Variants in FAM13A observed in about 807,000 individuals in gnomAD.
The protein encoded by FAM13A is family with sequence similarity 13 member A, also known as protein FAM13A.
FAM13A carries 76 observed loss-of-function variants against 129.6 expected under a neutral mutation model. The observed-to-expected ratio is 0.59, with a 90% CI of 0.49 to 0.71. The LOEUF is 0.71. Among genes scored for constraint, FAM13A ranks in the 30% least tolerant of loss-of-function variants. FAM13A has a pLI of 0.00. For synonymous variants in FAM13A, 443 were observed against 449.9 expected (o/e 0.98, Z 0.20); for missense variants, 1,108 against 1,249.3 (o/e 0.89, Z 1.70).
At chr4:88,758,923 C>T (rs1744252131) in intron 13 of FAM13A, 22 bp from the exon 14 acceptor site, 1 of 1,608,612 alleles carries the variant, frequency 6.2e-7, no homozygotes, top group African/African-American at 1.3e-5. Flanking sequence ...GCACAATGTC[C>T]CCAAATATCT....
intron 6 of FAM13A, 93 bp downstream of exon 6, chr4:88,906,285 CT>C: frequency 1.1e-6 from 1 of 915,804 alleles, no homozygotes; most frequent in Admixed American, 2.1e-5. Flanking sequence ...AAGACTCTGT[CT>C]CAAAACAAAC....
chr4:88,890,793 A>C (rs1007574577), intron 6 of FAM13A, among the ~76,000 whole-genome samples: 1 of 152,192 alleles, frequency 6.6e-6, no homozygotes, highest in African/African-American at 2.4e-5. Context: ...AGGTCTCAAA[A>C]GAGAATACTA....
intron 1 of FAM13A, among the ~76,000 whole-genome samples, chr4:89,037,748 G>A (rs1012774268): frequency 2.6e-4 from 40 of 152,266 alleles, no homozygotes; most frequent in Non-Finnish European, 4.1e-4. Flanking sequence ...AGACTGGGGG[G>A]TGGATGGTAA....
intron 5 of FAM13A, among the ~76,000 whole-genome samples, chr4:88,919,860 C>T (rs1750727243): frequency 6.6e-6 from 1 of 152,246 alleles, no homozygotes; most frequent in Non-Finnish European, 1.5e-5. Flanking sequence ...CTGCGCTTTT[C>T]CGACGGGCTT....
At chr4:88,920,694 G>T (rs904423103) in intron 5 of FAM13A, among the ~76,000 whole-genome samples, 1 of 152,214 alleles carries the variant, frequency 6.6e-6, no homozygotes, top group African/African-American at 2.4e-5. Context: ...GAACAAAGCT[G>T]GACGGAGAAC....
chr4:89,040,599 G>A (rs1281650466), intron 1 of FAM13A, among the ~76,000 whole-genome samples: 2 of 152,196 alleles, frequency 1.3e-5, no homozygotes, highest in African/African-American at 4.8e-5. Flanking sequence ...TAGGGAACTT[G>A]AGTTTGAATC....
chr4:88,968,455 C>T (rs1430280158), intron 4 of FAM13A, among the ~76,000 whole-genome samples: 2 of 152,070 alleles, frequency 1.3e-5, no homozygotes, highest in Non-Finnish European at 2.9e-5. Context: ...ATTCTTTCTT[C>T]GCTATGACCG....
At chr4:88,827,728 G>T in intron 7 of FAM13A, among the ~76,000 whole-genome samples, 1 of 151,994 alleles carries the variant, frequency 6.6e-6, no homozygotes, top group South Asian at 2.1e-4. Flanking sequence ...ATCTGCCTAG[G>T]TTATCTGTAC....
chr4:88,801,222 G>A (rs1453551870), intron 8 of FAM13A, among the ~76,000 whole-genome samples: 1 of 152,122 alleles, frequency 6.6e-6, no homozygotes, highest in African/African-American at 2.4e-5. Flanking sequence ...TTTGAATTTA[G>A]CCAAAGTCAT....
At chr4:89,023,293 T>C (rs1767517538) in intron 2 of FAM13A, among the ~76,000 whole-genome samples, 1 of 152,178 alleles carries the variant, frequency 6.6e-6, no homozygotes, top group Admixed American at 6.6e-5. Flanking sequence ...ACAAAGGCAT[T>C]CCGTCCCTGG....
chr4:88,761,825 G>C (rs1358453237), intron 13 of FAM13A, among the ~76,000 whole-genome samples: 4 of 151,824 alleles, frequency 2.6e-5, no homozygotes, highest in African/African-American at 9.7e-5. Flanking sequence ...TAATTCAAAA[G>C]AAATGATTTT....
intron 6 of FAM13A, among the ~76,000 whole-genome samples, chr4:88,855,019 A>G (rs543023739): frequency 6.6e-6 from 1 of 152,306 alleles, no homozygotes; most frequent in Non-Finnish European, 1.5e-5. Context: ...TATCATTTGA[A>G]AGATGAGGAA....
At chr4:88,758,712 G>T in intron 14 of FAM13A, 42 bp downstream of exon 14, 1 of 1,582,016 alleles carries the variant, frequency 6.3e-7, no homozygotes, top group Non-Finnish European at 8.6e-7. Flanking sequence ...ATTTATATAT[G>T]CTTTAATGAT....
chr4:88,806,453 T>C (rs1728579329), intron 7 of FAM13A, among the ~76,000 whole-genome samples: 1 of 152,190 alleles, frequency 6.6e-6, no homozygotes. Flanking sequence ...TTGCAGTCAA[T>C]AAACTCTTAT....
chr4:88,947,634 A>T (rs1379610748), intron 4 of FAM13A, among the ~76,000 whole-genome samples: 1 of 152,074 alleles, frequency 6.6e-6, no homozygotes, highest in Non-Finnish European at 1.5e-5. Context: ...GTAACTTTGA[A>T]ACTACCAATC....
chr4:89,038,549 A>C (rs916829585), intron 1 of FAM13A, among the ~76,000 whole-genome samples: 2 of 152,212 alleles, frequency 1.3e-5, no homozygotes, highest in Non-Finnish European at 2.9e-5. Flanking sequence ...AATTTAGGAC[A>C]GTTAGATCAC....
chr4:89,050,841 T>C (rs528051295), intron 1 of FAM13A, among the ~76,000 whole-genome samples: 2 of 151,954 alleles, frequency 1.3e-5, no homozygotes, highest in African/African-American at 4.8e-5. Context: ...AGCAGGAGAA[T>C]TGTTCGAACT....
At chr4:88,953,441 C>A (rs899790500) in intron 4 of FAM13A, among the ~76,000 whole-genome samples, 2 of 152,050 alleles carry the variant, frequency 1.3e-5, no homozygotes, top group East Asian at 1.9e-4. Context: ...TGTGACAGAG[C>A]GAGACTCTAT....
At chr4:88,950,095 A>G (rs1182691745) in intron 4 of FAM13A, among the ~76,000 whole-genome samples, 1 of 152,228 alleles carries the variant, frequency 6.6e-6, no homozygotes, top group Non-Finnish European at 1.5e-5. Flanking sequence ...GGATAACTAG[A>G]TATGTTTCAA....
Sources: gnomAD v4.1 joint callset for allele counts (sites outside exome capture counted in the v4.1 genomes callset) on GRCh38, gnomAD v4.1.1 for gene constraint, MANE v1.5 for transcripts, NCBI Gene and HGNC (gene_info 2026-07-23, HGNC 2026-07-21) for gene names.